The following RIC1 variants were observed in gnomAD, a reference collection of about 807,000 sequenced individuals.
RIC1 encodes guanine nucleotide exchange factor subunit RIC1.
In RIC1, 88 loss-of-function variants were observed where a neutral mutation model predicts 169.0. The ratio of observed to expected loss-of-function variants is 0.52; its 90% CI spans 0.44 to 0.62. RIC1 has a LOEUF of 0.62. Ranked by LOEUF, RIC1 falls within the 20% of genes least tolerant of loss-of-function variation. The pLI is 0.00. For synonymous variants in RIC1, 790 were observed against 601.5 expected (o/e 1.31, Z -4.59); for missense variants, 1,877 against 1,725.5 (o/e 1.09, Z -1.56).
At chr9:5,717,243 G>C (rs1273177088) in intron 4 of RIC1, among the ~76,000 whole-genome samples, 2 of 152,068 alleles carry the variant, frequency 1.3e-5, no homozygotes, top group African/African-American at 4.8e-5. Context: ...TCTTAATTTT[G>C]TCAGACGATT....
intron 3 of RIC1, among the ~76,000 whole-genome samples, chr9:5,703,241 T>A (rs1822347155): frequency 6.6e-6 from 1 of 152,086 alleles, no homozygotes; most frequent in Non-Finnish European, 1.5e-5. Context: ...TGGTTAATAC[T>A]CCCGTTCCGA....
Position 5,772,744 on chromosome 9 carries a change from G to A in RIC1, c.3794+3G>A. 1 of 1,603,162 alleles carries A rather than the reference G, an allele frequency of 6.2e-7. No individual in the cohort carries two copies. The highest frequency in any genetic ancestry group is 8.5e-7 in the Non-Finnish European group (1 of 1,175,342). On this transcript the variant is annotated splice_donor_region_variant and intron_variant, in intron 24 of 25. Transcript: ENST00000414202. ...CATAAATCCCAGGTCCAGCTTCGGT[G>A]AGTTTCTTGGCTATTTGAAATCACA... is the stretch of plus-strand genomic sequence containing the variant.
rs747824017 is a variant in RIC1 at position 5,742,850 on chromosome 9, TCTCA to T, written c.902-16_902-13del. 6.3e-7 allele frequency: 1 copy of T among 1,597,494 alleles called. No homozygotes were observed. Among genetic ancestry groups the T allele is most frequent in the East Asian group, 2.3e-5 (1 of 44,394 alleles). ...GAAGCAACTATTTATTTTTAACTCT[TCTCA>T]CTATTTCCTAACAGACATTTGGAAT... On this transcript the variant is annotated splice_polypyrimidine_tract_variant and intron_variant, in intron 8 of 25. Transcript: ENST00000414202.
chr9:5,713,726 G>T, intron 3 of RIC1, 170 bp from the exon 4 acceptor site: 1 of 439,862 alleles, frequency 2.3e-6, no homozygotes, highest in Admixed American at 3.9e-5. Context: ...TTGATAAGTA[G>T]ATAATGTCTG....
At chr9:5,633,036 T>C (rs1218163516) in intron 1 of RIC1, among the ~76,000 whole-genome samples, 1 of 152,208 alleles carries the variant, frequency 6.6e-6, no homozygotes, top group African/African-American at 2.4e-5. Flanking sequence ...GATGTTAGTG[T>C]GTTAATATAA....
At chr9:5,760,843 G>A (rs1826283813) in intron 17 of RIC1, among the ~76,000 whole-genome samples, 2 of 152,170 alleles carry the variant, frequency 1.3e-5, no homozygotes, top group African/African-American at 4.8e-5. Context: ...CTGTTTTCTT[G>A]ATGAACCCTA....
chr9:5,698,261 T>C (rs147373393), intron 3 of RIC1, among the ~76,000 whole-genome samples: 58 of 152,352 alleles, frequency 3.8e-4, no homozygotes, highest in African/African-American at 1.3e-3. Flanking sequence ...CAGTCTTCTT[T>C]TCTTTTAAGA....
intron 4 of RIC1, chr9:5,718,882 TCTACATTAGCTGA>T (rs1199942718): frequency 6.6e-6 from 1 of 152,126 alleles, no homozygotes; most frequent in Non-Finnish European, 1.5e-5. Context: ...AACAGCAAAT[TCTACATTAGCTGA>T]AATCTTTGGA....
Position 5,763,574 on chromosome 9 carries a change from G to A in RIC1, c.2547G>A (p.Gln849=). The change falls in exon 19 of 26, where the codon CAG becomes CAA. Residue 849 remains glutamine (Q), a synonymous_variant. Transcript: ENST00000414202. The surrounding 1 kb of genome is among the most constrained non-coding windows in gnomAD (Gnocchi z 5.2). Reference sequence around the variant, plus strand: ...GGGAGCAAGCCTTGCTCTTGGCCCAGTCCTGTGCCACATTACCTTACTTCC... The same window carrying A: ...GGGAGCAAGCCTTGCTCTTGGCCCAATCCTGTGCCACATTACCTTACTTCC... The part of the protein sequence containing the change: ...NLGEQALLLA[Q]SCATLPYFPH... 1 of 1,614,138 alleles carries A rather than the reference G, an allele frequency of 6.2e-7. No individual in the cohort carries two copies.
At chr9:5,733,493 C>T (rs1049746681) in intron 7 of RIC1, among the ~76,000 whole-genome samples, 1 of 152,078 alleles carries the variant, frequency 6.6e-6, no homozygotes, top group African/African-American at 2.4e-5. Flanking sequence ...TGGTCTTGAT[C>T]TCCTGACCTT....
chr9:5,772,588 CCA>C lies in RIC1; in HGVS notation c.3644_3645del (p.Thr1215ArgfsTer4), dbSNP rs1281720501. ...GGTGATGAATGCAGTATTGGTTCAG[CCA>C]CAGACTTGACTGAAAGTAGCTCCAT... is the stretch of plus-strand genomic sequence containing the variant. On this transcript the variant is annotated frameshift_variant, in exon 24 of 26. Coordinates refer to ENST00000414202, the MANE Select transcript of RIC1 (RefSeq NM_020829.4). LOFTEE classifies it high-confidence loss of function. 1 of 1,612,596 alleles carries C rather than the reference CCA, an allele frequency of 6.2e-7. No homozygotes were observed. The highest frequency in any genetic ancestry group is 8.5e-7 in the Non-Finnish European group (1 of 1,179,378).
intron 2 of RIC1, among the ~76,000 whole-genome samples, chr9:5,671,732 C>G (rs1049625957): frequency 2.6e-5 from 4 of 152,214 alleles, no homozygotes; most frequent in Non-Finnish European, 1.5e-5. Context: ...CCTAACTCCT[C>G]TCCTCTTCTC....
intron 2 of RIC1, 32 bp downstream of exon 2, chr9:5,656,722 C>T (rs754647460): frequency 7.9e-5 from 97 of 1,225,984 alleles, no homozygotes; most frequent in Admixed American, 6.1e-4. Flanking sequence ...ATAGTGTTTT[C>T]TTATGAAATC....
intron 21 of RIC1, among the ~76,000 whole-genome samples, chr9:5,768,557 A>G (rs1586726137): frequency 1.3e-5 from 2 of 152,262 alleles, no homozygotes; most frequent in East Asian, 3.9e-4. Flanking sequence ...TATTCTTTTC[A>G]TATGTCTGCA....
chr9:5,759,407 A>G (rs1046761479), intron 17 of RIC1, among the ~76,000 whole-genome samples: 5 of 152,242 alleles, frequency 3.3e-5, no homozygotes, highest in Admixed American at 3.3e-4. Context: ...TTGGACAGCT[A>G]CAAGTCACTA....
At chr9:5,746,971 A>G (rs570556337) in intron 11 of RIC1, among the ~76,000 whole-genome samples, 1 of 152,284 alleles carries the variant, frequency 6.6e-6, no homozygotes, top group South Asian at 2.1e-4. Flanking sequence ...CTTGAGTTTT[A>G]TGTCAAGCCA....
chr9:5,663,970 C>T (rs1487633485), intron 2 of RIC1, among the ~76,000 whole-genome samples: 1 of 152,128 alleles, frequency 6.6e-6, no homozygotes, highest in Admixed American at 6.5e-5. Flanking sequence ...TTTAGTGCTT[C>T]CTTCAGGAGC....
chr9:5,678,987 T>G (rs1469828841), intron 2 of RIC1, among the ~76,000 whole-genome samples: 2 of 152,068 alleles, frequency 1.3e-5, no homozygotes, highest in Non-Finnish European at 2.9e-5. Flanking sequence ...GGTCTAACAT[T>G]TAAGTCTTTA....
intron 1 of RIC1, among the ~76,000 whole-genome samples, chr9:5,639,167 A>T (rs776624366): frequency 3.9e-5 from 6 of 152,122 alleles, no homozygotes; most frequent in African/African-American, 1.4e-4. Context: ...TCGGCTCCCA[A>T]AGTGCTAGGA....
Sources: allele counts gnomAD v4.1 joint callset (sites outside exome capture counted in the v4.1 genomes callset), GRCh38; gene constraint gnomAD v4.1.1; non-coding constraint Gnocchi (gnomAD v3.1); transcripts MANE v1.5; gene names NCBI Gene and HGNC (gene_info 2026-07-23, HGNC 2026-07-21).